NCK2: variants seen among roughly 807,000 people sequenced by gnomAD.
NCK2 encodes the protein cytoplasmic protein NCK2.
In NCK2, 16 loss-of-function variants were observed where a neutral mutation model predicts 33.9. The observed-to-expected ratio is 0.47, with a 90% CI of 0.32 to 0.72. NCK2 has a LOEUF of 0.72. Ranked by LOEUF, NCK2 falls within the 30% of genes least tolerant of loss-of-function variation. The probability of loss-of-function intolerance (pLI) is 0.03; values close to 1 mark genes in which losing one functional copy is unlikely to be tolerated. For synonymous variants in NCK2, 273 were observed against 239.9 expected (o/e 1.14, Z -1.27); for missense variants, 418 against 537.3 (o/e 0.78, Z 2.19).
intron 1 of NCK2, among the ~76,000 whole-genome samples, chr2:105,801,468 C>T (rs1415478824): frequency 6.6e-6 from 1 of 151,302 alleles, no homozygotes; most frequent in Non-Finnish European, 1.5e-5. Flanking sequence ...CAGTGCACAA[C>T]GTTAACAGAT....
intron 1 of NCK2, among the ~76,000 whole-genome samples, chr2:105,759,862 G>GT (rs1309496349): frequency 5.3e-5 from 8 of 152,302 alleles, no homozygotes; most frequent in African/African-American, 1.7e-4. Flanking sequence ...GTTGTCAGAT[G>GT]TTTTTTCATG....
chr2:105,860,452 C>T (rs1169292832), intron 3 of NCK2, among the ~76,000 whole-genome samples: 4 of 152,176 alleles, frequency 2.6e-5, no homozygotes, highest in Admixed American at 2.6e-4. Flanking sequence ...ATGTTCCACA[C>T]AGGCTCAGGG....
chr2:105,878,465 A>T (rs1454485580), intron 3 of NCK2, among the ~76,000 whole-genome samples: 2 of 152,248 alleles, frequency 1.3e-5, no homozygotes, highest in Non-Finnish European at 2.9e-5. Context: ...TGGAACACAG[A>T]CACACTCAGA....
At chr2:105,847,768 A>G (rs1676908356) in intron 2 of NCK2, among the ~76,000 whole-genome samples, 5 of 152,238 alleles carry the variant, frequency 3.3e-5, no homozygotes, top group Admixed American at 3.3e-4. Flanking sequence ...GTTTAAATTT[A>G]CATTTTATAA....
intron 1 of NCK2, among the ~76,000 whole-genome samples, chr2:105,765,642 A>G (rs1288016708): frequency 6.7e-6 from 1 of 150,140 alleles, no homozygotes; most frequent in African/African-American, 2.4e-5. Flanking sequence ...TGGCTAAAAC[A>G]GAGACAGAGG....
At chr2:105,892,411 T>G (rs1416542499) in intron 4 of NCK2, among the ~76,000 whole-genome samples, 1 of 152,230 alleles carries the variant, frequency 6.6e-6, no homozygotes, top group Non-Finnish European at 1.5e-5. Flanking sequence ...GAGTTTGCAC[T>G]TTTCAAATAA....
chr2:105,870,405 G>T (rs1051846404), intron 3 of NCK2, among the ~76,000 whole-genome samples: 1 of 152,192 alleles, frequency 6.6e-6, no homozygotes, highest in Non-Finnish European at 1.5e-5. Flanking sequence ...CTGAACTTGG[G>T]GATTTTGAAT....
chr2:105,884,640 A>G (rs562444376), intron 4 of NCK2, among the ~76,000 whole-genome samples: 1 of 152,290 alleles, frequency 6.6e-6, no homozygotes, highest in East Asian at 1.9e-4. Flanking sequence ...GAAGACAAAC[A>G]TTGCCACATG....
intron 4 of NCK2, 98 bp downstream of exon 4, chr2:105,882,147 T>C (rs1678530594): frequency 7.8e-7 from 1 of 1,285,984 alleles, no homozygotes; most frequent in Non-Finnish European, 1.0e-6. Context: ...GTGAGTACAC[T>C]AGAAAGAGCG....
intron 1 of NCK2, among the ~76,000 whole-genome samples, chr2:105,767,131 G>A (rs1004717315): frequency 7.9e-5 from 12 of 152,270 alleles, no homozygotes; most frequent in Admixed American, 2.6e-4. Flanking sequence ...GGGAGGCTCC[G>A]ACCTGGAAGC....
intron 3 of NCK2, among the ~76,000 whole-genome samples, chr2:105,869,602 A>G (rs548293424): frequency 6.6e-6 from 1 of 152,258 alleles, no homozygotes; most frequent in East Asian, 1.9e-4. Flanking sequence ...CTTTTTGTGT[A>G]TTCGTCACAT....
rs140182700 is a variant in NCK2, at chr2:105,884,737, G to A, written c.948+2688G>A. ...TGAATCAGTGAACCAACAAACGAACGAACCTCTTGGACCCTCTTTCCTGTC... is the reference window on the plus strand; with the variant it reads ...TGAATCAGTGAACCAACAAACGAACAAACCTCTTGGACCCTCTTTCCTGTC... On this transcript the variant is annotated intron_variant, in intron 4 of 4. Transcript: ENST00000233154. Among the ~76,000 whole-genome samples, 671 of 152,272 alleles carry A rather than the reference G, an allele frequency of 4.4e-3. 2 individuals carry two copies. Among genetic ancestry groups the A allele is most frequent in the South Asian group, 7.7e-3 (37 of 4,822 alleles).
At chr2:105,805,841 G>A (rs1010412348) in intron 1 of NCK2, among the ~76,000 whole-genome samples, 18 of 152,120 alleles carry the variant, frequency 1.2e-4, no homozygotes, top group African/African-American at 3.9e-4. Context: ...TCCTTAACCC[G>A]AATACCTGGA....
At chr2:105,786,772 C>G (rs1470097432) in intron 1 of NCK2, among the ~76,000 whole-genome samples, 2 of 152,170 alleles carry the variant, frequency 1.3e-5, no homozygotes, top group African/African-American at 4.8e-5. Context: ...TCCCTTCTGC[C>G]TCCCCCACGC....
At chr2:105,892,333 C>A (rs901058723) in intron 4 of NCK2, among the ~76,000 whole-genome samples, 9 of 152,178 alleles carry the variant, frequency 5.9e-5, no homozygotes, top group Non-Finnish European at 1.0e-4. Context: ...AAATGAAAAA[C>A]AGCAAATTTC....
At chr2:105,851,780 A>G (rs1677079262) in intron 2 of NCK2, 1 of 152,348 alleles carries the variant, frequency 6.6e-6, no homozygotes, top group African/African-American at 2.4e-5. Context: ...GCTGGATTTC[A>G]CTGGAGTGAA....
intron 1 of NCK2, among the ~76,000 whole-genome samples, chr2:105,802,810 A>T (rs1674891822): frequency 1.3e-5 from 2 of 152,066 alleles, no homozygotes; most frequent in South Asian, 4.1e-4. Context: ...CATGTGTCAC[A>T]TACATGGGCC....
At chr2:105,862,517 A>G (rs1482371989) in intron 3 of NCK2, among the ~76,000 whole-genome samples, 1 of 152,188 alleles carries the variant, frequency 6.6e-6, no homozygotes, top group African/African-American at 2.4e-5. Flanking sequence ...TCCTCTACCA[A>G]ATTGACTATC....
chr2:105,826,088 T>C (rs947568618), intron 2 of NCK2, among the ~76,000 whole-genome samples: 2 of 152,218 alleles, frequency 1.3e-5, no homozygotes, highest in Non-Finnish European at 2.9e-5. Context: ...GGGTTATTTA[T>C]ACAGGAAAGA....
Sources: gnomAD v4.1 joint callset for allele counts (sites outside exome capture counted in the v4.1 genomes callset) on GRCh38, gnomAD v4.1.1 for gene constraint, MANE v1.5 for transcripts, NCBI Gene and HGNC (gene_info 2026-07-23, HGNC 2026-07-21) for gene names.